Variants in ZNF461 observed in about 807,000 individuals in gnomAD.
ZNF461 encodes gonadotropin-inducible ovarian transcription factor-1.
ZNF461 carries 16 observed loss-of-function variants against 18.3 expected under a neutral mutation model. That is an observed-to-expected ratio of 0.88 (90% CI 0.59 to 1.33). The LOEUF is 1.33. ZNF461 is among the 40% of genes most tolerant of loss of function. The pLI is 0.00. For synonymous variants in ZNF461, 179 were observed against 216.9 expected (o/e 0.83, Z 1.54); for missense variants, 595 against 669.9 (o/e 0.89, Z 1.23).
At position 36,639,055 on chromosome 19, in the gene ZNF461, T is replaced by C. The variant is rs368670478; in HGVS notation, c.1290A>G (p.Leu430=). ...KAFCDGLQLT[L]HQRIHTGEKP... ...TCTCACCAGTATGAATCCTCTGATG[T>C]AGGGTTAGTTGTAAGCCATCACAAA... The change falls in exon 6 of 6, where the codon CTA becomes CTG. Residue 430 remains leucine, a synonymous_variant. Coordinates refer to ENST00000588268, the MANE Select transcript of ZNF461 (RefSeq NM_153257.5). 3 of 1,613,962 alleles carry C rather than the reference T, an allele frequency of 1.9e-6. No homozygotes were observed. Among genetic ancestry groups the C allele is most frequent in the Admixed American group, 1.7e-5 (1 of 59,986 alleles).
chr19:36,665,613 G>A (rs1048400186), intron 1 of ZNF461, among the ~76,000 whole-genome samples: 1 of 149,512 alleles, frequency 6.7e-6, no homozygotes, highest in Non-Finnish European at 1.5e-5. Context: ...TGAGGCTGAG[G>A]CAGGAGAACT....
chr19:36,640,089 G>C (rs780517093), intron 5 of ZNF461, 46 bp from the exon 6 acceptor site: 79 of 1,474,046 alleles, frequency 5.4e-5, no homozygotes, highest in Non-Finnish European at 6.8e-5. Context: ...TGTACTATAA[G>C]AGAAATAAAA....
chr19:36,644,503 A>G lies in ZNF461; in HGVS notation c.233-641T>C, dbSNP rs1326728664. Among the ~76,000 whole-genome samples, 4 of 151,750 alleles carry G rather than the reference A, an allele frequency of 2.6e-5. No individual in the cohort carries two copies. In the East Asian group the frequency reaches 5.9e-4, roughly 22 times the overall value. On this transcript the variant is annotated intron_variant, in intron 4 of 5. Coordinates refer to ENST00000588268, the MANE Select transcript of ZNF461 (RefSeq NM_153257.5). ...AGGCTGGTCTTGAACTCCTGACCTC[A>G]GGTGATCCTCCCGCCTTGGCCTCCC...
At chr19:36,661,628 A>C (rs1034511646) in intron 2 of ZNF461, among the ~76,000 whole-genome samples, 1 of 145,480 alleles carries the variant, frequency 6.9e-6, no homozygotes, top group African/African-American at 2.8e-5. Context: ...AAAACTTAAA[A>C]ATTAATTAAA....
At chr19:36,664,627 T>C (rs1207148586) in intron 2 of ZNF461, 71 bp downstream of exon 2, 11 of 1,278,670 alleles carry the variant, frequency 8.6e-6, no homozygotes, top group Non-Finnish European at 1.2e-5. Flanking sequence ...ACATGCCCTA[T>C]ACAAAAAAAA....
intron 4 of ZNF461, among the ~76,000 whole-genome samples, chr19:36,654,556 C>T (rs1305043489): frequency 6.6e-6 from 1 of 151,704 alleles, no homozygotes; most frequent in Admixed American, 6.6e-5. Context: ...CTTTTTGGTA[C>T]AGACAGGGTC....
rs1282753912 is a variant in ZNF461 at position 36,637,957 on chromosome 19, T to G, written c.*696A>C. 1 of 318,998 alleles carries G rather than the reference T, an allele frequency of 3.1e-6. No individual in the cohort carries two copies. Among genetic ancestry groups the G allele is most frequent in the African/African-American group, 2.2e-5 (1 of 44,956 alleles). 19.8% of individuals were successfully genotyped at this position (318,998 alleles called of 1,614,324 possible). A position where few individuals can be genotyped will look rare whatever the true frequency, so the allele number is the denominator to read the frequency against. The stretch of plus-strand genomic sequence containing the variant: ...TATTAAACAAAAAATTTAGAAGATT[T>G]TAAAAAATAAATGTAATGTCAAAAT... On this transcript the variant is annotated 3_prime_UTR_variant, in exon 6 of 6. Coordinates refer to ENST00000588268, the MANE Select transcript of ZNF461 (RefSeq NM_153257.5).
chr19:36,665,797 G>A (rs2037910568), intron 1 of ZNF461, among the ~76,000 whole-genome samples: 1 of 150,286 alleles, frequency 6.7e-6, no homozygotes, highest in Non-Finnish European at 1.5e-5. Context: ...AGGTACATAA[G>A]CATACTACAT....
In ZNF461 at chr19:36,664,780, G is replaced by A. The variant is rs2037876383; in HGVS notation, c.-74C>T. 2 of 1,197,866 alleles carry A rather than the reference G, an allele frequency of 1.7e-6. No homozygotes were observed. Among genetic ancestry groups the A allele is most frequent in the Middle Eastern group, 2.1e-4 (1 of 4,752 alleles). The allele number at this position is 1,197,866 out of a possible 1,614,324, so 74.2% of individuals were successfully genotyped here. A position where few individuals can be genotyped will look rare whatever the true frequency, so the allele number is the denominator to read the frequency against. On this transcript the variant is annotated 5_prime_UTR_variant, in exon 2 of 6. Transcript: ENST00000588268. ...TCTGGAAGAAACTCAATCCAAAGAA[G>A]GTGTTGCTGGGAGAGAGGGGAGTTA... is the stretch of plus-strand genomic sequence containing the variant.
chr19:36,666,156 GC>G (rs2037928779), intron 1 of ZNF461, among the ~76,000 whole-genome samples: 1 of 151,260 alleles, frequency 6.6e-6, no homozygotes. Flanking sequence ...GTGCAATGGC[GC>G]GATCTCGGCT....
intron 2 of ZNF461, among the ~76,000 whole-genome samples, chr19:36,660,546 C>G (rs1427348891): frequency 1.3e-5 from 2 of 152,008 alleles, no homozygotes; most frequent in Non-Finnish European, 2.9e-5. Flanking sequence ...TTTTGCCCCT[C>G]AGGAATTTTA....
At position 36,639,808 on chromosome 19, in the gene ZNF461, A is replaced by T; in HGVS notation, c.537T>A (p.Thr179=). ...TATCATAAAATTCTTGAGTGAGTAAAGTATGTTGGCTAAAAATGGGCATGT... is the reference window on the plus strand; with the variant it reads ...TATCATAAAATTCTTGAGTGAGTAATGTATGTTGGCTAAAAATGGGCATGT... ...HENMPIFSQH[T]LLTQEFYDRE... Residue 179 remains threonine, a synonymous_variant, in exon 6 of 6, where the codon ACT becomes ACA. Transcript: ENST00000588268. The T allele has an allele frequency of 6.2e-7, 1 of 1,613,878 alleles. No individual in the cohort carries two copies. The highest frequency in any genetic ancestry group is 8.5e-7 in the Non-Finnish European group (1 of 1,179,830).
intron 5 of ZNF461, among the ~76,000 whole-genome samples, chr19:36,642,734 G>A (rs1600415639): frequency 7.0e-6 from 1 of 142,780 alleles, no homozygotes; most frequent in African/African-American, 2.6e-5. Flanking sequence ...AGAAGTGGCA[G>A]ACATGGTGTG....
chr19:36,656,690 A>G (rs2037726697), intron 3 of ZNF461, 147 bp from the exon 4 acceptor site: 2 of 622,922 alleles, frequency 3.2e-6, no homozygotes, highest in African/African-American at 1.8e-5. Flanking sequence ...GAGATGAAAC[A>G]CTCATATTCA....
At chr19:36,641,517 G>GAAAC (rs899696407) in intron 5 of ZNF461, among the ~76,000 whole-genome samples, 2 of 150,046 alleles carry the variant, frequency 1.3e-5, no homozygotes, top group African/African-American at 4.9e-5. Context: ...GACTGTCTCA[G>GAAAC]AAACAAACAA....
chr19:36,656,782 T>A lies in ZNF461; in HGVS notation c.137-239A>T, dbSNP rs368192199. The stretch of plus-strand genomic sequence containing the variant: ...AAATTTATGTAAGGTTTCTCTTTTT[T>A]GCTGTGAGGAAAAAAAAGAAGCTTC... On this transcript the variant is annotated intron_variant, in intron 3 of 5. Coordinates refer to ENST00000588268, the MANE Select transcript of ZNF461 (RefSeq NM_153257.5). Among the ~76,000 whole-genome samples, 14 of 151,682 alleles carry A rather than the reference T, an allele frequency of 9.2e-5. No homozygotes were observed. The South Asian group carries it at 2.9e-3, about 32-fold the overall frequency.
chr19:36,651,233 GAAA>G (rs34091845), intron 4 of ZNF461, among the ~76,000 whole-genome samples: 4 of 82,878 alleles, frequency 4.8e-5, no homozygotes, highest in Non-Finnish European at 6.8e-5. Flanking sequence ...TCCGTCTCAG[GAAA>G]AAAAAAAAAA....
At chr19:36,656,658 A>G in intron 3 of ZNF461, 115 bp from the exon 4 acceptor site, 1 of 757,242 alleles carries the variant, frequency 1.3e-6, no homozygotes, top group Non-Finnish European at 2.1e-6. Flanking sequence ...TTGATAAGGG[A>G]TACAGAGGAA....
In ZNF461 at chr19:36,658,166, A is replaced by G. The variant is rs2037756436; in HGVS notation, c.136+133T>C. On this transcript the variant is annotated intron_variant, in intron 3 of 5. Transcript: ENST00000588268. ...CTGTGCTGGTTTCTACAATACATAA[A>G]GAGAAAATTCATCCAGTTATTTGAA... 5 of 927,922 alleles carry G rather than the reference A, an allele frequency of 5.4e-6. No individual in the cohort carries two copies. The South Asian group carries it at 9.1e-5, about 17-fold the overall frequency. The allele number at this position is 927,922 out of a possible 1,614,324, so 57.5% of individuals were successfully genotyped here.
Sources: gnomAD v4.1 joint callset for allele counts (sites outside exome capture counted in the v4.1 genomes callset) on GRCh38, gnomAD v4.1.1 for gene constraint, MANE v1.5 for transcripts, NCBI Gene and HGNC (gene_info 2026-07-23, HGNC 2026-07-21) for gene names.